Variants in METRN observed in about 807,000 individuals in gnomAD.
The protein encoded by METRN is meteorin.
Under a neutral mutation model 17.4 loss-of-function variants are expected in METRN, and 17 were observed. That is an observed-to-expected ratio of 0.98 (90% CI 0.67 to 1.46). The LOEUF is 1.46. Ranked by LOEUF, METRN falls within the 40% of genes most tolerant of loss-of-function variation. METRN has a pLI of 0.00. For synonymous variants in METRN, 230 were observed against 210.8 expected (o/e 1.09, Z -0.79); for missense variants, 489 against 456.2 (o/e 1.07, Z -0.65).
At chr16:716,305 T>C in intron 2 of METRN, 2 of 1,386,784 alleles carry the variant, frequency 1.4e-6, no homozygotes, top group Non-Finnish European at 1.9e-6. Flanking sequence ...CGGCCAAAGC[T>C]GTCCGGGGCT....
In METRN at chr16:715,772, G is replaced by C. The variant is rs1490915314; in HGVS notation, c.293G>C (p.Arg98Pro). The C allele has an allele frequency of 7.9e-7, 1 of 1,260,800 alleles. No homozygotes were observed. The highest frequency in any genetic ancestry group is 9.9e-7 in the Non-Finnish European group (1 of 1,006,254). The allele number at this position is 1,260,800 out of a possible 1,614,324, so 78.1% of individuals were successfully genotyped here. The change falls in exon 2 of 4, where the codon CGC (arginine) becomes CCC (proline). Residue 98 changes from arginine to proline, a missense_variant. Arg to Pro is a moderately radical substitution (Grantham distance 103). Coordinates refer to ENST00000568223, the MANE Select transcript of METRN (RefSeq NM_024042.4). ...GCGGGCGCCCAGGTCTTCGCGGAGC[G>C]CGCAGGGGGCGCCCTGGAGCTGCTG... ...PFAGAQVFAE[R>P]AGGALELLLA...
Position 718,230 on chromosome 16 carries a change from T to G in METRN, c.*843T>G, listed in dbSNP as rs920951389. The stretch of plus-strand genomic sequence containing the variant: ...CAGCCGCATAAAGGGCCAGTGAGGT[T>G]TGGGACAGCCACAGCCCAAGGCTCC... On this transcript the variant is annotated 3_prime_UTR_variant, in exon 4 of 4. Transcript: ENST00000568223. 1 of 152,280 alleles carries G rather than the reference T, an allele frequency of 6.6e-6. No homozygotes were observed. Among genetic ancestry groups the G allele is most frequent in the Admixed American group, 6.5e-5 (1 of 15,288 alleles). 9.4% of individuals were successfully genotyped at this position (152,280 alleles called of 1,614,324 possible).
In METRN at chr16:717,243, G is replaced by A. The variant is rs536310838; in HGVS notation, c.738G>A (p.Pro246=). The A allele has an allele frequency of 1.0e-5, 16 of 1,574,746 alleles. No individual in the cohort carries two copies. In the South Asian group the frequency reaches 1.1e-4, roughly 11 times the overall value. Residue 246 remains proline, a synonymous_variant, in exon 4 of 4, where the codon CCG becomes CCA. Coordinates refer to ENST00000568223, the MANE Select transcript of METRN (RefSeq NM_024042.4). ...IRTPLRCGVH[P]GPGTFLFMGW... is the part of the protein sequence containing the mutation. ...CCCCACTGCGCTGTGGCGTCCACCC[G>A]GGCCCAGGCACCTTCCTCTTCATGG...
Position 715,850 on chromosome 16 carries a change from G to T in METRN, c.371G>T (p.Arg124Leu). ...GGCCGCTGCGTGCGCTGGGGTCCCC[G>T]CGAGCGCCGGGCCCTCTTCCTGCAG... The part of the protein sequence containing the change: ...AGGRCVRWGP[R>L]ERRALFLQAT... Residue 124 changes from arginine to leucine, a missense_variant, in exon 2 of 4, where the codon CGC becomes CTC. By Grantham distance (102) the Arg-to-Leu change is moderately radical. Coordinates refer to ENST00000568223, the MANE Select transcript of METRN (RefSeq NM_024042.4). 1 of 1,325,330 alleles carries T rather than the reference G, an allele frequency of 7.5e-7. No individual in the cohort carries two copies. Among genetic ancestry groups the T allele is most frequent in the Non-Finnish European group, 9.6e-7 (1 of 1,041,376 alleles). The allele number at this position is 1,325,330 out of a possible 1,614,324, so 82.1% of individuals were successfully genotyped here.
rs1185038471 is a variant in METRN at position 717,290 on chromosome 16, C to A, written c.785C>A (p.Ala262Asp). Reference sequence around the variant, plus strand: ...ATGGGCTGGAGCCGCTTTGGGGAGGCCCGGCTGGGCTGTGCCCCACGATTC... The same window carrying A: ...ATGGGCTGGAGCCGCTTTGGGGAGGACCGGCTGGGCTGTGCCCCACGATTC... ...LFMGWSRFGEARLGCAPRFQE... is the reference protein window; with the variant it reads ...LFMGWSRFGEDRLGCAPRFQE... Residue 262 changes from alanine (A) to aspartate (D), a missense_variant, in exon 4 of 4, where the codon GCC becomes GAC. Ala to Asp is a moderately radical substitution (Grantham distance 126). Transcript: ENST00000568223. The A allele has an allele frequency of 3.3e-6, 5 of 1,534,670 alleles. No homozygotes were observed. The highest frequency in any genetic ancestry group is 2.0e-5 in the Admixed American group (1 of 51,046).
Position 715,332 on chromosome 16 carries a change from G to A in METRN, c.43G>A (p.Gly15Ser). 1 of 1,343,856 alleles carries A rather than the reference G, an allele frequency of 7.4e-7. No individual in the cohort carries two copies. The allele number at this position is 1,343,856 out of a possible 1,614,324, so 83.2% of individuals were successfully genotyped here. A position where few individuals can be genotyped will look rare whatever the true frequency, so the allele number is the denominator to read the frequency against. Residue 15 changes from glycine (G) to serine (S), a missense_variant, in exon 1 of 4, where the codon GGC (glycine) becomes AGC (serine). Coordinates refer to ENST00000568223, the MANE Select transcript of METRN (RefSeq NM_024042.4). ...GGCGCTGCTCTGCGCGCTGTGCTGC[G>A]GCCTCCTGGCCCCGGCTGCCCGCGC... ...AAALLCALCC[G>S]LLAPAARAGY...
intron 2 of METRN, chr16:716,720 G>A (rs557533606): frequency 1.7e-5 from 26 of 1,535,312 alleles, no homozygotes; most frequent in South Asian, 8.3e-5. Context: ...TTGGAGGTAC[G>A]CGCCTGCAAG....
At position 715,601 on chromosome 16, in the gene METRN, C is replaced by G. The variant is rs527245253; in HGVS notation, c.122C>G (p.Pro41Arg). The change falls in exon 2 of 4, where the codon CCC (proline) becomes CGC (arginine). Residue 41 changes from proline (P) to arginine (R), a missense_variant. Coordinates refer to ENST00000568223, the MANE Select transcript of METRN (RefSeq NM_024042.4). ...GTCCCCAGCGGCCTCACCCAGGAGC[C>G]CGGCAGCGTGGGGCAGCTGGCCCTG... ...SWRGSGLTQEPGSVGQLALAC... is the reference protein window; with the variant it reads ...SWRGSGLTQERGSVGQLALAC... The G allele has an allele frequency of 6.0e-5, 83 of 1,391,940 alleles. 2 individuals carry two copies. In the African/African-American group the frequency reaches 1.0e-3, roughly 17 times the overall value. The allele number at this position is 1,391,940 out of a possible 1,614,324, so 86.2% of individuals were successfully genotyped here.
chr16:716,558 G>C (rs2040163375), intron 2 of METRN: 1 of 1,534,720 alleles, frequency 6.5e-7, no homozygotes, highest in Admixed American at 2.0e-5. Flanking sequence ...TATCACCCTA[G>C]CTGGGCTGCT....
In METRN at chr16:715,336, T is replaced by C; in HGVS notation, c.47T>C (p.Leu16Pro). 1 of 1,345,218 alleles carries C rather than the reference T, an allele frequency of 7.4e-7. No homozygotes were observed. The highest frequency in any genetic ancestry group is 1.8e-5 in the South Asian group (1 of 57,040). 83.3% of individuals were successfully genotyped at this position (1,345,218 alleles called of 1,614,324 possible). A position where few individuals can be genotyped will look rare whatever the true frequency, so the allele number is the denominator to read the frequency against. ...CTGCTCTGCGCGCTGTGCTGCGGCC[T>C]CCTGGCCCCGGCTGCCCGCGCCGGC... Reference protein sequence around the residue: ...AALLCALCCGLLAPAARAGYS... With the variant: ...AALLCALCCGPLAPAARAGYS... Residue 16 changes from leucine (L) to proline (P), a missense_variant, in exon 1 of 4, where the codon CTC (leucine) becomes CCC (proline). Leu to Pro is a moderately conservative substitution (Grantham distance 98). Coordinates refer to ENST00000568223, the MANE Select transcript of METRN (RefSeq NM_024042.4).
intron 2 of METRN, 104 bp downstream of exon 2, chr16:716,088 G>T (rs996636620): frequency 4.1e-5 from 55 of 1,335,722 alleles, no homozygotes; most frequent in Non-Finnish European, 5.3e-5. Context: ...AGGAAAAAGT[G>T]AGCTACAAGG....
Position 715,398 on chromosome 16 carries a change from G to C in METRN, c.104+5G>C, listed in dbSNP as rs778255626. The C allele has an allele frequency of 7.7e-7, 1 of 1,296,948 alleles. No individual in the cohort carries two copies. The highest frequency in any genetic ancestry group is 1.5e-5 in the African/African-American group (1 of 64,538). The allele number at this position is 1,296,948 out of a possible 1,614,324, so 80.3% of individuals were successfully genotyped here. A position where few individuals can be genotyped will look rare whatever the true frequency, so the allele number is the denominator to read the frequency against. On this transcript the variant is annotated splice_donor_5th_base_variant and intron_variant, in intron 1 of 3. Coordinates refer to ENST00000568223, the MANE Select transcript of METRN (RefSeq NM_024042.4). ...GCGCTGCAGCTGGAGGGGCAGGTAC[G>C]GTCCGGGGGGCTGTCCCCGCACTTA...
chr16:715,492 C>T, intron 1 of METRN, 92 bp from the exon 2 acceptor site: 1 of 1,263,774 alleles, frequency 7.9e-7, no homozygotes, highest in South Asian at 2.6e-5. Flanking sequence ...GGGCCGGTTT[C>T]CCCATCCGCG....
At position 715,300 on chromosome 16, in the gene METRN, C is replaced by T. The variant is rs975975054; in HGVS notation, c.11C>T (p.Pro4Leu). 8.2e-6 allele frequency: 11 copies of T among 1,335,798 alleles called. No individual in the cohort carries two copies. The highest frequency in any genetic ancestry group is 3.4e-5 in the Admixed American group (1 of 29,240). The allele number at this position is 1,335,798 out of a possible 1,614,324, so 82.7% of individuals were successfully genotyped here. MGF[P>L]AAALLCALCC... ...GCCGCCCGCCGTGCCATGGGGTTCCCGGCCGCGGCGCTGCTCTGCGCGCTG... is the reference window on the plus strand; with the variant it reads ...GCCGCCCGCCGTGCCATGGGGTTCCTGGCCGCGGCGCTGCTCTGCGCGCTG... The change falls in exon 1 of 4, where the codon CCG becomes CTG. Residue 4 changes from proline (P) to leucine (L), a missense_variant. Transcript: ENST00000568223.
intron 1 of METRN, 78 bp from the exon 2 acceptor site, chr16:715,506 C>T: frequency 1.6e-6 from 2 of 1,267,344 alleles, no homozygotes; most frequent in Non-Finnish European, 2.0e-6. Flanking sequence ...ATCCGCGAGG[C>T]GGCCTCGGGA....
rs974310326 is a variant in METRN at position 718,890 on chromosome 16, C to T, written c.*1503C>T. ...ACTTTTTCATCTTCAGCCCTGACCACTCCCTGGGGCCCATAGCCTTACATC... is the reference window on the plus strand; with the variant it reads ...ACTTTTTCATCTTCAGCCCTGACCATTCCCTGGGGCCCATAGCCTTACATC... On this transcript the variant is annotated 3_prime_UTR_variant, in exon 4 of 4. Transcript: ENST00000568223. 2 of 152,608 alleles carry T rather than the reference C, an allele frequency of 1.3e-5. No homozygotes were observed. Among genetic ancestry groups the T allele is most frequent in the African/African-American group, 2.4e-5 (1 of 41,570 alleles). The allele number at this position is 152,608 out of a possible 1,614,324, so 9.5% of individuals were successfully genotyped here.
Position 715,372 on chromosome 16 carries a change from A to C in METRN, c.83A>C (p.Glu28Ala). The change falls in exon 1 of 4, where the codon GAG (glutamate) becomes GCG (alanine). Residue 28 changes from glutamate (E) to alanine (A), a missense_variant. Coordinates refer to ENST00000568223, the MANE Select transcript of METRN (RefSeq NM_024042.4). ...GCTGCCCGCGCCGGCTACTCCGAGG[A>C]GCGCTGCAGCTGGAGGGGCAGGTAC... ...APAARAGYSE[E>A]RCSWRGSGLT... 1.5e-6 allele frequency: 2 copies of C among 1,334,174 alleles called. No homozygotes were observed. Among genetic ancestry groups the C allele is most frequent in the Non-Finnish European group, 1.9e-6 (2 of 1,043,962 alleles). 82.6% of individuals were successfully genotyped at this position (1,334,174 alleles called of 1,614,324 possible). A position where few individuals can be genotyped will look rare whatever the true frequency, so the allele number is the denominator to read the frequency against.
intron 2 of METRN, chr16:716,191 G>C: frequency 1.0e-6 from 1 of 985,476 alleles, no homozygotes; most frequent in Non-Finnish European, 1.2e-6. Context: ...GGAAAGAGCT[G>C]GCAGGGGCAG....
chr16:716,072 TG>T, intron 2 of METRN, 88 bp downstream of exon 2: 1 of 1,354,104 alleles, frequency 7.4e-7, no homozygotes, highest in Non-Finnish European at 9.5e-7. Flanking sequence ...TCGGCCCCAC[TG>T]CAGAAGGAAA....
Sources: gnomAD v4.1 joint callset for allele counts on GRCh38, gnomAD v4.1.1 for gene constraint, MANE v1.5 for transcripts, NCBI Gene and HGNC (gene_info 2026-07-23, HGNC 2026-07-21) for gene names.